The following CDC25C variants were observed in gnomAD, a reference collection of about 807,000 sequenced individuals.
The protein encoded by CDC25C is M-phase inducer phosphatase 3.
A neutral mutation model predicts 52.5 loss-of-function variants in CDC25C; 48 were observed. The ratio of observed to expected loss-of-function variants is 0.91; its 90% CI spans 0.72 to 1.16. CDC25C has a LOEUF of 1.16. Ranked by LOEUF, CDC25C falls within the 50% of genes most tolerant of loss-of-function variation. CDC25C has a pLI of 0.00. For missense variants in CDC25C, 510 were observed against 566.1 expected (o/e 0.90, Z 1.01); for synonymous variants, 187 against 206.5 (o/e 0.91, Z 0.81).
intron 6 of CDC25C, among the ~76,000 whole-genome samples, chr5:138,320,804 T>C (rs558792625): frequency 1.3e-5 from 2 of 148,576 alleles, no homozygotes; most frequent in African/African-American, 5.0e-5. Context: ...TAATCCCAGC[T>C]ACTAGGGAGG....
upstream of CDC25C, among the ~76,000 whole-genome samples, chr5:138,332,933 T>C (rs944113535): frequency 3.9e-5 from 6 of 152,152 alleles, no homozygotes; most frequent in Non-Finnish European, 5.9e-5. Context: ...ACCCTGACTG[T>C]TGAGTGATGG....
At chr5:138,315,468 T>C (rs1301795556) in intron 7 of CDC25C, among the ~76,000 whole-genome samples, 1 of 152,152 alleles carries the variant, frequency 6.6e-6, no homozygotes, top group African/African-American at 2.4e-5. Flanking sequence ...AATTTTTTTT[T>C]CTATTTTATG....
intron 7 of CDC25C, among the ~76,000 whole-genome samples, 180 bp downstream of exon 7, chr5:138,319,039 A>G (rs11567974): frequency 0.011 from 1,600 of 152,294 alleles, 13 homozygotes; most frequent in Non-Finnish European, 0.016. Context: ...TGTCCATAAT[A>G]CTGCCTGACC....
chr5:138,296,772 A>T (rs1580725386), intron 7 of CDC25C, among the ~76,000 whole-genome samples: 1 of 148,284 alleles, frequency 6.7e-6, no homozygotes, highest in African/African-American at 2.5e-5. Context: ...CACACAGCTA[A>T]TTTTTTGTAT....
rs1193309092 is a variant in CDC25C, at chr5:138,319,384, A to G, written c.460-10T>C. 18 of 1,596,282 alleles carry G rather than the reference A, an allele frequency of 1.1e-5. No individual in the cohort carries two copies. Among genetic ancestry groups the G allele is most frequent in the Non-Finnish European group, 1.5e-5 (18 of 1,170,038 alleles). ...CCAAGTTTCCATTGTCCTGTCAAGT[A>G]TATTGACAACATTAAAAACTATTCA... is the stretch of plus-strand genomic sequence containing the variant. On this transcript the variant is annotated splice_polypyrimidine_tract_variant and intron_variant, in intron 6 of 13. Transcript: ENST00000323760.
At chr5:138,304,964 A>G (rs528038368) in intron 7 of CDC25C, among the ~76,000 whole-genome samples, 31 of 152,250 alleles carry the variant, frequency 2.0e-4, no homozygotes, top group African/African-American at 5.1e-4. Context: ...ACCATAGCCT[A>G]AAGACCCTGC....
intron 7 of CDC25C, among the ~76,000 whole-genome samples, chr5:138,316,121 C>T (rs961694113): frequency 4.6e-5 from 7 of 152,180 alleles, no homozygotes; most frequent in Admixed American, 3.9e-4. Flanking sequence ...CCTGCCTTCC[C>T]GGGTGCAGCT....
intron 6 of CDC25C, among the ~76,000 whole-genome samples, chr5:138,321,482 G>A (rs1360057984): frequency 1.3e-5 from 2 of 151,982 alleles, no homozygotes; most frequent in African/African-American, 2.4e-5. Context: ...GGCCAGGCGC[G>A]GTGGCTCATG....
At chr5:138,292,687 G>C (rs1756850642) in intron 7 of CDC25C, among the ~76,000 whole-genome samples, 1 of 152,036 alleles carries the variant, frequency 6.6e-6, no homozygotes, top group Non-Finnish European at 1.5e-5. Flanking sequence ...AAACCCATCA[G>C]GGAAAAAAAA....
chr5:138,331,746 CGTCGGACTCAGA>C lies in CDC25C; in HGVS notation c.-202_-191del. On this transcript the variant is annotated 5_prime_UTR_variant, in exon 1 of 14. Transcript: ENST00000323760. Reference sequence around the variant, plus strand: ...TCTGCCTTCCGACTGGGTAGGCCAACGTCGGACTCAGAGTCTTCCCTGAGCAGAAGGCCAAAG... The same window carrying C: ...TCTGCCTTCCGACTGGGTAGGCCAACGTCTTCCCTGAGCAGAAGGCCAAAG... 1.0e-6 allele frequency: 1 copy of C among 987,578 alleles called. No homozygotes were observed. The highest frequency in any genetic ancestry group is 1.2e-6 in the Non-Finnish European group (1 of 830,892). 61.2% of individuals were successfully genotyped at this position (987,578 alleles called of 1,614,324 possible).
In CDC25C at chr5:138,285,415, A is replaced by C. The variant is rs1357254412; in HGVS notation, c.*277T>G. On this transcript the variant is annotated 3_prime_UTR_variant, in exon 14 of 14. Transcript: ENST00000323760. ...GTTGGCTGGCTTGTGAGAAGACATG[A>C]GGAGTTGGGAAAAGGAATGCCAGAG... 2 of 370,242 alleles carry C rather than the reference A, an allele frequency of 5.4e-6. No homozygotes were observed. The highest frequency in any genetic ancestry group is 4.2e-5 in the African/African-American group (2 of 47,904). The allele number at this position is 370,242 out of a possible 1,614,324, so 22.9% of individuals were successfully genotyped here. A position where few individuals can be genotyped will look rare whatever the true frequency, so the allele number is the denominator to read the frequency against.
intron 7 of CDC25C, among the ~76,000 whole-genome samples, chr5:138,311,124 T>C (rs977300181): frequency 2.6e-5 from 4 of 152,158 alleles, no homozygotes; most frequent in African/African-American, 9.7e-5. Context: ...CAACTGGATT[T>C]TACATTCCCA....
intron 7 of CDC25C, among the ~76,000 whole-genome samples, chr5:138,313,570 G>A (rs1373769406): frequency 6.6e-6 from 1 of 151,868 alleles, no homozygotes; most frequent in African/African-American, 2.4e-5. Flanking sequence ...ATATATAAAT[G>A]TGCCACCTGT....
chr5:138,307,258 C>T (rs1329020262), intron 7 of CDC25C, among the ~76,000 whole-genome samples: 6 of 151,560 alleles, frequency 4.0e-5, no homozygotes, highest in Non-Finnish European at 7.4e-5. Context: ...AACCCTAGCA[C>T]TTTGGGAGGG....
At chr5:138,294,325 G>A (rs1449085341) in intron 7 of CDC25C, among the ~76,000 whole-genome samples, 5 of 151,480 alleles carry the variant, frequency 3.3e-5, no homozygotes, top group Non-Finnish European at 7.4e-5. Flanking sequence ...CCGAGTAGCT[G>A]GGATTACAGG....
intron 7 of CDC25C, among the ~76,000 whole-genome samples, chr5:138,313,260 T>A (rs142010097): frequency 6.6e-6 from 1 of 151,254 alleles, no homozygotes; most frequent in African/African-American, 2.4e-5. Flanking sequence ...ATGCCTGGAA[T>A]CCCAGCTACG....
At chr5:138,338,303 C>T (rs568779655) in exon 1 of CDC25C, 20 of 607,328 alleles carry the variant, frequency 3.3e-5, no homozygotes, top group African/African-American at 3.0e-4. Flanking sequence ...GCTGGAGGAA[C>T]CGCGGTAGGT....
intron 7 of CDC25C, among the ~76,000 whole-genome samples, chr5:138,313,246 G>A (rs1399080852): frequency 6.6e-6 from 1 of 151,994 alleles, no homozygotes; most frequent in African/African-American, 2.4e-5. Context: ...GGCCACGGTG[G>A]GGCATGCCTG....
chr5:138,292,798 T>G (rs1481686462), intron 7 of CDC25C, among the ~76,000 whole-genome samples: 2 of 152,320 alleles, frequency 1.3e-5, no homozygotes, highest in South Asian at 4.1e-4. Context: ...AGGCATGGTT[T>G]GGGTGCTATA....
Sources: allele counts gnomAD v4.1 joint callset (sites outside exome capture counted in the v4.1 genomes callset), GRCh38; gene constraint gnomAD v4.1.1; transcripts MANE v1.5; gene names NCBI Gene and HGNC (gene_info 2026-07-23, HGNC 2026-07-21).